Variants in PALM2AKAP2 observed in about 807,000 individuals in gnomAD.
The protein encoded by PALM2AKAP2 is PALM2 and AKAP2 fusion, also known as PALM2-AKAP2 fusion protein.
In PALM2AKAP2, 37 loss-of-function variants were observed where a neutral mutation model predicts 71.5. The ratio of observed to expected loss-of-function variants is 0.52; its 90% confidence interval spans 0.40 to 0.68. The LOEUF (loss-of-function observed/expected upper bound fraction) is 0.68. Among genes scored for constraint, PALM2AKAP2 ranks in the 30% least tolerant of loss-of-function variants. The probability of loss-of-function intolerance (pLI) is 0.00; values close to 1 mark genes in which losing one functional copy is unlikely to be tolerated. For missense variants in PALM2AKAP2, 1,224 were observed against 1,191.8 expected (o/e 1.03, Z -0.40); for synonymous variants, 468 against 478.8 (o/e 0.98, Z 0.29).
intron 6 of PALM2AKAP2, among the ~76,000 whole-genome samples, chr9:109,984,127 TG>T (rs1387413592): frequency 2.0e-5 from 3 of 152,220 alleles, no homozygotes; most frequent in Non-Finnish European, 2.9e-5. Context: ...ACTTCTCCAT[TG>T]ACTTTGAGAC....
chr9:109,919,019 C>T (rs1368066234), intron 3 of PALM2AKAP2, among the ~76,000 whole-genome samples: 1 of 152,180 alleles, frequency 6.6e-6, no homozygotes. Flanking sequence ...GGAGACAGGC[C>T]AGCCAGTGGG....
At chr9:109,975,759 A>G (rs1257520057) in intron 6 of PALM2AKAP2, among the ~76,000 whole-genome samples, 2 of 152,186 alleles carry the variant, frequency 1.3e-5, no homozygotes, top group African/African-American at 4.8e-5. Flanking sequence ...ACCTGCAAAA[A>G]TTGTGGTTCA....
At chr9:109,983,536 C>G (rs1832316862) in intron 6 of PALM2AKAP2, among the ~76,000 whole-genome samples, 1 of 151,976 alleles carries the variant, frequency 6.6e-6, no homozygotes, top group South Asian at 2.1e-4. Flanking sequence ...GGGTGGCTTG[C>G]AGAAATGGAA....
chr9:109,817,250 T>C (rs1282515521), intron 1 of PALM2AKAP2, among the ~76,000 whole-genome samples: 1 of 152,232 alleles, frequency 6.6e-6, no homozygotes, highest in Non-Finnish European at 1.5e-5. Context: ...ACACAGTTAC[T>C]GGCCTTTTGG....
chr9:109,644,258 A>C (rs1218492952), intron 1 of PALM2AKAP2, among the ~76,000 whole-genome samples: 1 of 151,756 alleles, frequency 6.6e-6, no homozygotes, highest in African/African-American at 2.4e-5. Flanking sequence ...CTTGGGTCTC[A>C]CAACATTTCC....
chr9:110,068,638 C>T (rs1834138717), intron 1 of PALM2AKAP2, among the ~76,000 whole-genome samples: 1 of 151,964 alleles, frequency 6.6e-6, no homozygotes, highest in South Asian at 2.1e-4. Context: ...CTCAAGCGAT[C>T]CTCCCACCTC....
chr9:110,012,143 A>G (rs551438096), intron 6 of PALM2AKAP2, among the ~76,000 whole-genome samples: 7 of 152,148 alleles, frequency 4.6e-5, no homozygotes, highest in Admixed American at 3.9e-4. Context: ...AATTACAAAA[A>G]GTATCCGGGC....
chr9:110,099,998 G>A (rs1451305709), intron 1 of PALM2AKAP2, among the ~76,000 whole-genome samples: 2 of 128,876 alleles, frequency 1.6e-5, no homozygotes, highest in Admixed American at 7.7e-5. Flanking sequence ...CATATAACAT[G>A]CATATATATA....
intron 1 of PALM2AKAP2, among the ~76,000 whole-genome samples, chr9:110,096,725 G>A (rs1218456208): frequency 6.6e-6 from 1 of 150,514 alleles, no homozygotes; most frequent in Non-Finnish European, 1.5e-5. Context: ...ACCTAGAGGT[G>A]TACAGTCTAG....
chr9:109,919,772 T>G (rs898295739), intron 3 of PALM2AKAP2, among the ~76,000 whole-genome samples: 5 of 151,658 alleles, frequency 3.3e-5, no homozygotes, highest in African/African-American at 1.2e-4. Context: ...TGTGTATATA[T>G]GTAAAATGTA....
chr9:109,821,254 C>T (rs112042061), intron 1 of PALM2AKAP2, among the ~76,000 whole-genome samples: 6,072 of 152,232 alleles, frequency 0.04, 148 homozygotes, highest in African/African-American at 0.06. Flanking sequence ...ATGGGTGCAG[C>T]ACACCAACAT....
At chr9:110,098,544 T>C (rs1834917311) in intron 1 of PALM2AKAP2, among the ~76,000 whole-genome samples, 1 of 152,226 alleles carries the variant, frequency 6.6e-6, no homozygotes, top group Non-Finnish European at 1.5e-5. Flanking sequence ...GATTACCTAT[T>C]ATGTGCTGGA....
At chr9:109,940,451 A>G (rs1166373455) in intron 6 of PALM2AKAP2, among the ~76,000 whole-genome samples, 1 of 152,220 alleles carries the variant, frequency 6.6e-6, no homozygotes, top group Non-Finnish European at 1.5e-5. Flanking sequence ...CTCAAAACAA[A>G]GACATTTCAG....
chr9:109,670,165 A>T (rs1216640575), intron 1 of PALM2AKAP2, among the ~76,000 whole-genome samples: 7 of 152,156 alleles, frequency 4.6e-5, no homozygotes, highest in African/African-American at 1.7e-4. Context: ...AGTTTGTTAC[A>T]TAGGTAGACT....
intron 1 of PALM2AKAP2, among the ~76,000 whole-genome samples, chr9:109,659,463 T>C (rs1827356942): frequency 6.7e-6 from 1 of 149,638 alleles, no homozygotes; most frequent in South Asian, 2.2e-4. Context: ...CTACTTTCTA[T>C]CTATATAGAT....
intron 1 of PALM2AKAP2, among the ~76,000 whole-genome samples, chr9:109,822,206 G>A (rs1486128527): frequency 6.6e-6 from 1 of 152,126 alleles, no homozygotes; most frequent in Non-Finnish European, 1.5e-5. Flanking sequence ...TAAGGAAAGC[G>A]TCAAAAAGTC....
upstream of PALM2AKAP2, among the ~76,000 whole-genome samples, chr9:109,778,019 A>G (rs1829372094): frequency 1.3e-5 from 2 of 152,302 alleles, no homozygotes; most frequent in South Asian, 2.1e-4. Context: ...CCATCTCCCC[A>G]TTCCATCACT....
chr9:109,895,719 T>C (rs1309467719), intron 3 of PALM2AKAP2, among the ~76,000 whole-genome samples: 2 of 152,210 alleles, frequency 1.3e-5, no homozygotes, highest in African/African-American at 4.8e-5. Flanking sequence ...TTAAGTCTGT[T>C]CTCACAGTGC....
intron 1 of PALM2AKAP2, among the ~76,000 whole-genome samples, chr9:109,756,760 T>C (rs1231441431): frequency 6.6e-6 from 1 of 152,192 alleles, no homozygotes; most frequent in Non-Finnish European, 1.5e-5. Context: ...AATTTCAAGA[T>C]TTATCATATA....
Sources: allele counts gnomAD v4.1 joint callset (sites outside exome capture counted in the v4.1 genomes callset), GRCh38; gene constraint gnomAD v4.1.1; transcripts MANE v1.5; gene names NCBI Gene and HGNC (gene_info 2026-07-23, HGNC 2026-07-21).